The following ENTHD1 variants were observed in gnomAD, a reference collection of about 807,000 sequenced individuals.
ENTHD1 encodes the protein ENTH domain containing 1.
ENTHD1 carries 23 observed loss-of-function variants against 39.1 expected under a neutral mutation model. That is an observed-to-expected ratio of 0.59 (90% CI 0.42 to 0.83). ENTHD1 has a LOEUF of 0.83. ENTHD1 is among the 40% of genes least tolerant of loss of function. The pLI is 0.00. For synonymous variants in ENTHD1, 230 were observed against 258.2 expected, an observed-to-expected ratio of 0.89 and a Z score of 1.05; for missense variants, 624 against 705.4, an observed-to-expected ratio of 0.88 and a Z score of 1.31.
chr22:39,787,067 T>C (rs535730511), intron 5 of ENTHD1, among the ~76,000 whole-genome samples: 43 of 152,374 alleles, frequency 2.8e-4, no homozygotes, highest in African/African-American at 9.9e-4. Context: ...CATATTTTGG[T>C]AATTCTCACA....
intron 5 of ENTHD1, among the ~76,000 whole-genome samples, chr22:39,805,356 A>AT (rs753015618): frequency 6.6e-6 from 1 of 152,136 alleles, no homozygotes; most frequent in Non-Finnish European, 1.5e-5. Context: ...TCAGTCACTC[A>AT]AAGTCCCTTA....
chr22:39,777,814 T>A (rs548393576), intron 5 of ENTHD1, among the ~76,000 whole-genome samples: 1 of 152,340 alleles, frequency 6.6e-6, no homozygotes, highest in South Asian at 2.1e-4. Flanking sequence ...CCTCAATAGA[T>A]TATAGTTATA....
At chr22:39,869,988 T>TTTATTTATTTATTTATTTAC (rs2066227929) in intron 2 of ENTHD1, among the ~76,000 whole-genome samples, 1 of 132,850 alleles carries the variant, frequency 7.5e-6, no homozygotes, top group African/African-American at 2.6e-5. Context: ...CAGTACTTTA[T>TTTATTTATTTATTTATTTAC]TTATTTATTT....
In ENTHD1 at chr22:39,767,991, T is replaced by G. The variant is rs570215410; in HGVS notation, c.833-2382A>C. On this transcript the variant is annotated intron_variant, in intron 5 of 6. Coordinates refer to ENST00000325157, the MANE Select transcript of ENTHD1 (RefSeq NM_152512.4). ...TAAAGTTGCTAACTTTTTAAATGAA[T>G]CAAATACTATGACCTAGAAGAAGCC... Among the ~76,000 whole-genome samples the G allele has an allele frequency of 1.4e-4, 21 of 152,168 alleles. 1 individual carries two copies. Among genetic ancestry groups the G allele is most frequent in the Admixed American group, 2.6e-4 (4 of 15,276 alleles).
chr22:39,870,757 G>A (rs2066235502), intron 2 of ENTHD1, among the ~76,000 whole-genome samples: 1 of 152,100 alleles, frequency 6.6e-6, no homozygotes, highest in Non-Finnish European at 1.5e-5. Flanking sequence ...AGTATCCTCA[G>A]CCCTCCAAAC....
At chr22:39,888,516 C>T (rs143153615) in intron 1 of ENTHD1, among the ~76,000 whole-genome samples, 4,606 of 152,008 alleles carry the variant, frequency 0.03, 246 homozygotes, top group African/African-American at 0.11. Flanking sequence ...CAACCTCTGC[C>T]ACCCGGGTTC....
At chr22:39,847,649 C>T (rs1160601639) in intron 3 of ENTHD1, among the ~76,000 whole-genome samples, 8 of 151,912 alleles carry the variant, frequency 5.3e-5, no homozygotes, top group Non-Finnish European at 1.2e-4. Flanking sequence ...GCCTTGATCT[C>T]CCAAAGTGCT....
chr22:39,854,634 C>T (rs1243695828), intron 3 of ENTHD1, among the ~76,000 whole-genome samples: 1 of 151,722 alleles, frequency 6.6e-6, no homozygotes, highest in Admixed American at 6.6e-5. Flanking sequence ...CTTCAAACTT[C>T]AAAAGCATCG....
At chr22:39,881,840 G>A (rs2066341306) in intron 2 of ENTHD1, among the ~76,000 whole-genome samples, 1 of 152,182 alleles carries the variant, frequency 6.6e-6, no homozygotes, top group Non-Finnish European at 1.5e-5. Context: ...GGAGGTGGAA[G>A]AGCCATGCAG....
At chr22:39,816,221 G>GTC (rs2065732751) in intron 5 of ENTHD1, among the ~76,000 whole-genome samples, 1 of 152,148 alleles carries the variant, frequency 6.6e-6, no homozygotes, top group South Asian at 2.1e-4. Context: ...ATGGAAATTA[G>GTC]AACCATCTGT....
intron 6 of ENTHD1, among the ~76,000 whole-genome samples, chr22:39,744,989 C>G (rs2065092461): frequency 6.6e-6 from 1 of 152,108 alleles, no homozygotes. Context: ...TATTCTAAAT[C>G]ATTTCCCAAA....
chr22:39,874,739 A>T (rs1000989463), intron 2 of ENTHD1, among the ~76,000 whole-genome samples: 4 of 152,252 alleles, frequency 2.6e-5, no homozygotes, highest in Non-Finnish European at 5.9e-5. Context: ...CAGGCAAAAG[A>T]TGTCCTTGTG....
rs189657926 is a variant in ENTHD1 at position 39,853,665 on chromosome 22, C to G, written c.592+8100G>C. Among the ~76,000 whole-genome samples the G allele has an allele frequency of 3.4e-3, 518 of 152,230 alleles. 2 individuals carry two copies. Among genetic ancestry groups the G allele is most frequent in the African/African-American group, 0.012 (497 of 41,544 alleles). On this transcript the variant is annotated intron_variant, in intron 3 of 6. Coordinates refer to ENST00000325157, the MANE Select transcript of ENTHD1 (RefSeq NM_152512.4). ...CTCAGCTCACTGCAACGTCTGCCTCCCAGGTTCAAGCAATTCTCCTGCCTT... is the reference window on the plus strand; with the variant it reads ...CTCAGCTCACTGCAACGTCTGCCTCGCAGGTTCAAGCAATTCTCCTGCCTT...
At chr22:39,817,802 A>G (rs915925010) in intron 5 of ENTHD1, among the ~76,000 whole-genome samples, 2 of 152,224 alleles carry the variant, frequency 1.3e-5, no homozygotes, top group Non-Finnish European at 2.9e-5. Flanking sequence ...TAGCATGCAG[A>G]AAGATTTTAT....
chr22:39,886,360 T>G (rs2066379274), intron 2 of ENTHD1, among the ~76,000 whole-genome samples: 1 of 152,186 alleles, frequency 6.6e-6, no homozygotes, highest in Admixed American at 6.5e-5. Context: ...CCCACAGAAC[T>G]GTAGAACACA....
intron 1 of ENTHD1, among the ~76,000 whole-genome samples, chr22:39,888,146 C>A (rs1168906436): frequency 6.6e-6 from 1 of 151,628 alleles, no homozygotes; most frequent in East Asian, 1.9e-4. Context: ...GAGAAAATAT[C>A]ATTCAACCTC....
At chr22:39,748,597 G>T (rs1257104613) in intron 6 of ENTHD1, among the ~76,000 whole-genome samples, 23 of 150,158 alleles carry the variant, frequency 1.5e-4, no homozygotes, top group African/African-American at 5.2e-4. Flanking sequence ...TTTTTTTTTT[G>T]TGTTTTTAGT....
At position 39,765,341 on chromosome 22, in the gene ENTHD1, GAGAC is replaced by G; in HGVS notation, c.1097_1100del (p.Cys366SerfsTer11). 6.2e-7 allele frequency: 1 copy of G among 1,613,960 alleles called. No homozygotes were observed. The highest frequency in any genetic ancestry group is 8.5e-7 in the Non-Finnish European group (1 of 1,179,952). Reference sequence around the variant, plus strand: ...GGTCAAATATTTTGAATGAGGGAGAGAGACAGAGTGTTTCTACAGAGGCCTGGTT... The same window carrying G: ...GGTCAAATATTTTGAATGAGGGAGAGAGAGTGTTTCTACAGAGGCCTGGTT... On this transcript the variant is annotated frameshift_variant, in exon 6 of 7. Coordinates refer to ENST00000325157, the MANE Select transcript of ENTHD1 (RefSeq NM_152512.4). LOFTEE classifies it high-confidence loss of function.
At chr22:39,851,317 CAGT>C (rs2066037017) in intron 3 of ENTHD1, among the ~76,000 whole-genome samples, 1 of 152,072 alleles carries the variant, frequency 6.6e-6, no homozygotes, top group Admixed American at 6.6e-5. Flanking sequence ...TTTTTTAGTT[CAGT>C]AGTATTTCTC....
Sources: allele counts gnomAD v4.1 joint callset (sites outside exome capture counted in the v4.1 genomes callset), GRCh38; gene constraint gnomAD v4.1.1; transcripts MANE v1.5; gene names NCBI Gene and HGNC (gene_info 2026-07-23, HGNC 2026-07-21).